Variants in LRFN2 observed in about 807,000 individuals in gnomAD.
The protein encoded by LRFN2 is leucine-rich repeat and fibronectin type-III domain-containing protein 2.
LRFN2 carries 18 observed loss-of-function variants against 37.3 expected under a neutral mutation model. The observed-to-expected ratio is 0.48, with a 90% CI of 0.33 to 0.72. The LOEUF (loss-of-function observed/expected upper bound fraction) is 0.72, where lower values mean the gene tolerates loss of function less well. LRFN2 is among the 30% of genes least tolerant of loss of function. LRFN2 has a pLI of 0.02. For synonymous variants in LRFN2, 556 were observed against 466.6 expected (o/e 1.19, Z -2.47); for missense variants, 1,006 against 1,060.7 (o/e 0.95, Z 0.72).
chr6:40,437,189 G>A (rs571973188), intron 1 of LRFN2, among the ~76,000 whole-genome samples: 407 of 152,228 alleles, frequency 2.7e-3, no homozygotes, highest in Non-Finnish European at 3.7e-3. Context: ...GGCTATTCAT[G>A]GCCTGTGCTG....
intron 1 of LRFN2, among the ~76,000 whole-genome samples, chr6:40,511,372 C>A (rs1319247007): frequency 6.6e-6 from 1 of 152,148 alleles, no homozygotes; most frequent in Non-Finnish European, 1.5e-5. Context: ...TAAACTTGGA[C>A]AGGTCATTGA....
At chr6:40,580,085 CATT>C (rs2113799818) in intron 1 of LRFN2, among the ~76,000 whole-genome samples, 1 of 152,274 alleles carries the variant, frequency 6.6e-6, no homozygotes, top group South Asian at 2.1e-4. Flanking sequence ...AAAAAGGATA[CATT>C]GATGATGAGC....
At chr6:40,570,090 G>T (rs912465341) in intron 1 of LRFN2, among the ~76,000 whole-genome samples, 1 of 152,072 alleles carries the variant, frequency 6.6e-6, no homozygotes, top group Non-Finnish European at 1.5e-5. Flanking sequence ...TTGTGGGTAG[G>T]GCTCAGGCAT....
At chr6:40,435,122 A>G (rs1307848030) in intron 1 of LRFN2, among the ~76,000 whole-genome samples, 1 of 137,272 alleles carries the variant, frequency 7.3e-6, no homozygotes, top group Non-Finnish European at 1.5e-5. Context: ...TATATTTTAT[A>G]TATATATTAT....
chr6:40,531,062 A>G (rs1325525916), intron 1 of LRFN2, among the ~76,000 whole-genome samples: 4 of 152,156 alleles, frequency 2.6e-5, no homozygotes, highest in Admixed American at 6.5e-5. Flanking sequence ...AAATAAACAG[A>G]CCATGTAACC....
Position 40,435,038 on chromosome 6 carries a change from TATATATATATATATAGAGAGAGAGAGAG to T in LRFN2, c.-18-1935_-18-1908del, listed in dbSNP as rs1347822111. 2.1e-4 allele frequency among the ~76,000 whole-genome samples: 20 copies of T among 93,122 alleles called. No homozygotes were observed. In the East Asian group the frequency reaches 5.2e-3, roughly 24 times the overall value. 61.1% of individuals were successfully genotyped at this position (93,122 alleles called of 152,430 possible). On this transcript the variant is annotated intron_variant, in intron 1 of 2. Transcript: ENST00000338305. ...ACATATATATATATATATATATATA[TATATATATATATATAGAGAGAGAGAGAG>T]AGAGAGAGAGAGAGAGAGAGAGAGA...
chr6:40,449,543 G>A (rs1764054092), intron 1 of LRFN2, among the ~76,000 whole-genome samples: 1 of 152,140 alleles, frequency 6.6e-6, no homozygotes, highest in Admixed American at 6.5e-5. Flanking sequence ...ATGTAGATGG[G>A]GTGGGTAGAG....
At chr6:40,482,500 C>T (rs1312697738) in intron 1 of LRFN2, among the ~76,000 whole-genome samples, 5 of 152,240 alleles carry the variant, frequency 3.3e-5, no homozygotes, top group Non-Finnish European at 7.3e-5. Flanking sequence ...ATCTCCAGCA[C>T]TCCCCAAGAT....
chr6:40,479,831 C>T (rs1003607903), intron 1 of LRFN2, among the ~76,000 whole-genome samples: 3 of 152,214 alleles, frequency 2.0e-5, no homozygotes, highest in African/African-American at 7.2e-5. Context: ...CCACGTTCCT[C>T]CTTCTCTCCA....
intron 1 of LRFN2, among the ~76,000 whole-genome samples, chr6:40,574,788 CG>C (rs1367427196): frequency 6.6e-6 from 1 of 152,018 alleles, no homozygotes; most frequent in Non-Finnish European, 1.5e-5. Context: ...AGCAGGGCCA[CG>C]GAAGTGAAGA....
In LRFN2 at chr6:40,476,960, C is replaced by T. The variant is rs115320755; in HGVS notation, c.-18-43829G>A. On this transcript the variant is annotated intron_variant, in intron 1 of 2. Transcript: ENST00000338305. ...CAGGCCTGCTACAAAGTAGCTTAGG[C>T]ATCTAGTTCCCCAGAGTCTCTTCCC... 4.8e-3 allele frequency among the ~76,000 whole-genome samples: 737 copies of T among 152,348 alleles called. 6 individuals carry two copies. The highest frequency in any genetic ancestry group is 0.015 in the African/African-American group (642 of 41,586).
intron 1 of LRFN2, among the ~76,000 whole-genome samples, chr6:40,489,903 C>T (rs928921907): frequency 1.3e-5 from 2 of 152,302 alleles, no homozygotes; most frequent in African/African-American, 2.4e-5. Flanking sequence ...CCCAGCTCAT[C>T]TCCCCACTTG....
chr6:40,492,671 G>A (rs1016665065), intron 1 of LRFN2, among the ~76,000 whole-genome samples: 1 of 152,122 alleles, frequency 6.6e-6, no homozygotes, highest in Non-Finnish European at 1.5e-5. Flanking sequence ...TCAGGGAGAG[G>A]TGGGCATCAC....
chr6:40,545,288 A>T (rs1414433651), intron 1 of LRFN2, among the ~76,000 whole-genome samples: 1 of 152,228 alleles, frequency 6.6e-6, no homozygotes, highest in East Asian at 1.9e-4. Context: ...TGTAAAGGGC[A>T]GAGCCTCCTG....
At chr6:40,419,019 G>A (rs1371580349) in intron 2 of LRFN2, among the ~76,000 whole-genome samples, 6 of 152,282 alleles carry the variant, frequency 3.9e-5, no homozygotes, top group Middle Eastern at 3.4e-3. Flanking sequence ...GGCTCCACTC[G>A]GTACCTACTG....
intron 1 of LRFN2, among the ~76,000 whole-genome samples, chr6:40,509,443 T>C (rs769825541): frequency 2.6e-5 from 4 of 152,216 alleles, no homozygotes; most frequent in Non-Finnish European, 4.4e-5. Flanking sequence ...ATGCCCAGCA[T>C]TGAAACATAA....
At chr6:40,574,703 C>G (rs1445169640) in intron 1 of LRFN2, among the ~76,000 whole-genome samples, 1 of 152,186 alleles carries the variant, frequency 6.6e-6, no homozygotes. Context: ...AAAATCCAGG[C>G]AGCTCCGGAG....
intron 1 of LRFN2, among the ~76,000 whole-genome samples, chr6:40,548,446 A>C (rs1766704652): frequency 6.6e-6 from 1 of 152,142 alleles, no homozygotes; most frequent in Non-Finnish European, 1.5e-5. Flanking sequence ...ATCTCAAAAA[A>C]AAAATGAAAA....
At chr6:40,402,987 C>T (rs770849322) in intron 2 of LRFN2, among the ~76,000 whole-genome samples, 16 of 152,126 alleles carry the variant, frequency 1.1e-4, no homozygotes, top group African/African-American at 9.6e-5. Flanking sequence ...GTGAGGAGGA[C>T]GGTGAGGCTG....
Sources: allele counts gnomAD v4.1 joint callset (sites outside exome capture counted in the v4.1 genomes callset), GRCh38; gene constraint gnomAD v4.1.1; transcripts MANE v1.5; gene names NCBI Gene and HGNC (gene_info 2026-07-23, HGNC 2026-07-21).